The following NWD2 variants were observed in gnomAD, a reference collection of about 807,000 sequenced individuals.
NWD2 encodes NACHT and WD repeat domain-containing protein 2.
In NWD2, 37 loss-of-function variants were observed where a neutral mutation model predicts 132.7. That is an observed-to-expected ratio of 0.28 (90% CI 0.21 to 0.37). The LOEUF (loss-of-function observed/expected upper bound fraction) is 0.37. Among genes scored for constraint, NWD2 ranks in the 10% least tolerant of loss-of-function variants. NWD2 has a pLI of 1.00. For missense variants in NWD2, 1,592 were observed against 2,122.4 expected (o/e 0.75, Z 4.91); for synonymous variants, 705 against 803.0 (o/e 0.88, Z 2.06).
chr4:37,265,725 T>G (rs1717736512), intron 1 of NWD2, among the ~76,000 whole-genome samples: 1 of 152,004 alleles, frequency 6.6e-6, no homozygotes, highest in Non-Finnish European at 1.5e-5. Context: ...CTTATGCTGA[T>G]CCTTATGCCT....
intron 1 of NWD2, among the ~76,000 whole-genome samples, chr4:37,250,235 T>A (rs1251045578): frequency 6.6e-6 from 1 of 152,072 alleles, no homozygotes; most frequent in African/African-American, 2.4e-5. Flanking sequence ...TCAGGGGGAA[T>A]ATACTGAGTT....
chr4:37,334,509 C>G (rs943953325), intron 2 of NWD2, among the ~76,000 whole-genome samples: 2 of 152,216 alleles, frequency 1.3e-5, no homozygotes, highest in Non-Finnish European at 1.5e-5. Flanking sequence ...CCACCCCACA[C>G]CCTGTCCTTC....
intron 2 of NWD2, among the ~76,000 whole-genome samples, chr4:37,343,193 T>C (rs571344609): frequency 2.0e-5 from 3 of 152,352 alleles, no homozygotes; most frequent in Admixed American, 6.5e-5. Context: ...CTCTGCTTAC[T>C]ACCTTCTGTG....
At chr4:37,254,730 A>AT (rs765181679) in intron 1 of NWD2, among the ~76,000 whole-genome samples, 1 of 143,794 alleles carries the variant, frequency 7.0e-6, no homozygotes, top group Non-Finnish European at 1.6e-5. Flanking sequence ...TAGAAAGTTA[A>AT]TAAAAAAAGA....
chr4:37,271,429 T>C (rs1243485976), intron 1 of NWD2, among the ~76,000 whole-genome samples: 1 of 151,896 alleles, frequency 6.6e-6, no homozygotes, highest in Non-Finnish European at 1.5e-5. Context: ...CATCTTTTGT[T>C]AAATTATTTG....
At chr4:37,298,720 C>A (rs916724089) in intron 1 of NWD2, among the ~76,000 whole-genome samples, 2 of 152,092 alleles carry the variant, frequency 1.3e-5, no homozygotes, top group African/African-American at 4.8e-5. Flanking sequence ...AATGAAAGTT[C>A]GAGGAGCAAC....
rs189759379 is a variant in NWD2 at position 37,422,576 on chromosome 4, G to A, written c.358-7996G>A. 4.8e-4 allele frequency among the ~76,000 whole-genome samples: 73 copies of A among 152,056 alleles called. 2 individuals carry two copies. The highest frequency in any genetic ancestry group is 4.6e-3 in the Admixed American group (70 of 15,294). On this transcript the variant is annotated intron_variant, in intron 3 of 6. Transcript: ENST00000309447. The stretch of plus-strand genomic sequence containing the variant: ...CTCTCAGCATTTGTTTCTATTCTGT[G>A]TATATATGTATTAGTATGCCATATA...
intron 3 of NWD2, among the ~76,000 whole-genome samples, chr4:37,359,452 G>T (rs1452614802): frequency 6.6e-6 from 1 of 152,108 alleles, no homozygotes; most frequent in Non-Finnish European, 1.5e-5. Context: ...TGGCATGTGT[G>T]TGTTACTTTT....
At chr4:37,319,527 ACTTAAATAAATT>A (rs1204368898) in intron 1 of NWD2, among the ~76,000 whole-genome samples, 1 of 152,008 alleles carries the variant, frequency 6.6e-6, no homozygotes, top group South Asian at 2.1e-4. Flanking sequence ...GCTTTTGAGG[ACTTAAATAAATT>A]CTTGCCCAAT....
At chr4:37,288,332 A>G (rs1039964008) in intron 1 of NWD2, among the ~76,000 whole-genome samples, 1 of 152,244 alleles carries the variant, frequency 6.6e-6, no homozygotes, top group African/African-American at 2.4e-5. Context: ...GAAATATTTT[A>G]TGTGGATCCT....
chr4:37,345,175 T>C (rs894119311), intron 2 of NWD2, among the ~76,000 whole-genome samples: 1 of 152,238 alleles, frequency 6.6e-6, no homozygotes, highest in Non-Finnish European at 1.5e-5. Flanking sequence ...ACTGCTGCTA[T>C]GAACACTCGT....
chr4:37,296,092 A>T (rs115034650), intron 1 of NWD2, among the ~76,000 whole-genome samples: 3,343 of 152,256 alleles, frequency 0.022, 119 homozygotes, highest in African/African-American at 0.076. Context: ...TACCACAAAC[A>T]GGTGCCCTTT....
At chr4:37,270,487 C>CT (rs919626429) in intron 1 of NWD2, among the ~76,000 whole-genome samples, 4 of 151,598 alleles carry the variant, frequency 2.6e-5, no homozygotes, top group African/African-American at 4.8e-5. Context: ...CGAAGATGGC[C>CT]TACGACAAGC....
chr4:37,366,589 C>T (rs142531631), intron 3 of NWD2, among the ~76,000 whole-genome samples: 5 of 152,050 alleles, frequency 3.3e-5, no homozygotes, highest in Admixed American at 6.5e-5. Flanking sequence ...CAACTGTATG[C>T]GGTTTTCAAG....
chr4:37,404,641 C>T (rs1720959389), intron 3 of NWD2, among the ~76,000 whole-genome samples: 1 of 152,166 alleles, frequency 6.6e-6, no homozygotes, highest in African/African-American at 2.4e-5. Context: ...TCTCACACAG[C>T]TATAAAGAAG....
At chr4:37,441,402 C>T (rs542401174) in intron 6 of NWD2, among the ~76,000 whole-genome samples, 1 of 152,290 alleles carries the variant, frequency 6.6e-6, no homozygotes, top group Admixed American at 6.5e-5. Flanking sequence ...TTTGTAATCA[C>T]CCTAGGGCCC....
chr4:37,245,623 G>T (rs964001726), intron 1 of NWD2, among the ~76,000 whole-genome samples: 5 of 151,852 alleles, frequency 3.3e-5, no homozygotes, highest in African/African-American at 1.2e-4. Context: ...TCCCCGAGGC[G>T]GGTTCCTGAG....
At chr4:37,316,542 G>A (rs531868394) in intron 1 of NWD2, among the ~76,000 whole-genome samples, 18 of 152,004 alleles carry the variant, frequency 1.2e-4, no homozygotes, top group South Asian at 4.2e-4. Flanking sequence ...GGACATTTTC[G>A]TGATTATTTA....
At chr4:37,355,796 G>A (rs556705276) in intron 2 of NWD2, among the ~76,000 whole-genome samples, 13 of 151,892 alleles carry the variant, frequency 8.6e-5, no homozygotes, top group African/African-American at 3.1e-4. Context: ...TTTTTTGCCC[G>A]TACATGTTTT....
Sources: allele counts gnomAD v4.1 joint callset (sites outside exome capture counted in the v4.1 genomes callset), GRCh38; gene constraint gnomAD v4.1.1; transcripts MANE v1.5; gene names NCBI Gene and HGNC (gene_info 2026-07-23, HGNC 2026-07-21).